Variants in GALNT13 observed in about 807,000 individuals in gnomAD.
The protein encoded by GALNT13 is UDP-GalNAc:polypeptide N-acetylgalactosaminyltransferase 13.
GALNT13 carries 28 observed loss-of-function variants against 64.2 expected under a neutral mutation model. The ratio of observed to expected loss-of-function variants is 0.44; its 90% CI spans 0.32 to 0.60. The LOEUF (loss-of-function observed/expected upper bound fraction) is 0.60. Among genes scored for constraint, GALNT13 ranks in the 20% least tolerant of loss-of-function variants. The pLI is 0.05. For synonymous variants in GALNT13, 214 were observed against 224.6 expected (o/e 0.95, Z 0.42); for missense variants, 577 against 669.8 (o/e 0.86, Z 1.53).
the GALNT13 span, among the ~76,000 whole-genome samples, chr2:153,751,221 AC>A: frequency 6.6e-6 from 1 of 151,876 alleles, no homozygotes; most frequent in African/African-American, 2.4e-5. Flanking sequence ...TTCTTTTGTG[AC>A]CTAACATATG....
chr2:154,052,805 T>C lies in GALNT13; in HGVS notation c.143-87532T>C, dbSNP rs892090853. 5.9e-5 allele frequency among the ~76,000 whole-genome samples: 9 copies of C among 151,572 alleles called. No individual in the cohort carries two copies. In the East Asian group the frequency reaches 1.2e-3, roughly 20 times the overall value. On this transcript the variant is annotated intron_variant, in intron 3 of 12. Transcript: ENST00000392825. ...AGGCTGGAGTGCAGTGGCACGATCT[T>C]GGCTCACTGCAAGCTCCGCCTCCCG...
chr2:153,553,599 G>A, the GALNT13 span, among the ~76,000 whole-genome samples: 1 of 152,152 alleles, frequency 6.6e-6, no homozygotes, highest in Non-Finnish European at 1.5e-5. Flanking sequence ...TGATAAGAAT[G>A]TTTCCAAGAA....
the GALNT13 span, among the ~76,000 whole-genome samples, chr2:153,368,013 T>C: frequency 1.3e-5 from 2 of 152,066 alleles, no homozygotes; most frequent in East Asian, 3.9e-4. Flanking sequence ...AGCGTAAAGA[T>C]TGTCAGAGAG....
the GALNT13 span, among the ~76,000 whole-genome samples, chr2:153,381,158 G>A: frequency 2.0e-5 from 3 of 151,986 alleles, no homozygotes; most frequent in South Asian, 6.2e-4. Context: ...TGTTTCCCAG[G>A]CTGGTGTCAA....
chr2:153,374,468 T>C, the GALNT13 span, among the ~76,000 whole-genome samples: 1 of 152,174 alleles, frequency 6.6e-6, no homozygotes, highest in Admixed American at 6.6e-5. Flanking sequence ...TTATATATTT[T>C]GTATATTGAA....
chr2:153,634,542 CTTTTTTT>C, the GALNT13 span, among the ~76,000 whole-genome samples: 5 of 91,240 alleles, frequency 5.5e-5, no homozygotes, highest in East Asian at 3.4e-4. Flanking sequence ...AGATGGAAAT[CTTTTTTT>C]TTTTTTTTTT....
chr2:153,630,785 ATATATATATATATATATATATATTTT>A, the GALNT13 span, among the ~76,000 whole-genome samples: 3 of 10,418 alleles, frequency 2.9e-4, no homozygotes, highest in African/African-American at 3.1e-4. Context: ...ATATATATAT[ATATATATATATATATATATATATTTT>A]TTTTTTTTTT....
rs952749753 is a variant in GALNT13 at position 154,149,487 on chromosome 2, G to T, written c.311+8982G>T. Among the ~76,000 whole-genome samples the T allele has an allele frequency of 2.0e-4, 30 of 152,144 alleles. No individual in the cohort carries two copies. The East Asian group carries it at 5.0e-3, about 25-fold the overall frequency. On this transcript the variant is annotated intron_variant, in intron 4 of 12. Transcript: ENST00000392825. ...AGAAAGTCATTGGTAGCTTGATGGG[G>T]ATGGCATTGAATCTATAAATTACCT...
At chr2:153,742,762 T>A in the GALNT13 span, among the ~76,000 whole-genome samples, 7 of 152,038 alleles carry the variant, frequency 4.6e-5, no homozygotes, top group Admixed American at 1.3e-4. Context: ...ATTCTCTTTT[T>A]ATGGCTGCAT....
chr2:153,527,181 A>G, the GALNT13 span, among the ~76,000 whole-genome samples: 1 of 152,106 alleles, frequency 6.6e-6, no homozygotes, highest in Non-Finnish European at 1.5e-5. Flanking sequence ...TCATTATCTA[A>G]GTACAAGAAG....
the GALNT13 span, among the ~76,000 whole-genome samples, chr2:153,144,430 A>C: frequency 6.6e-6 from 1 of 151,890 alleles, no homozygotes; most frequent in African/African-American, 2.4e-5. Flanking sequence ...CAACCTTCTT[A>C]AGTCTTCTTG....
the GALNT13 span, among the ~76,000 whole-genome samples, chr2:153,345,647 CTTTCTTT>C: frequency 1.7e-5 from 2 of 118,120 alleles, no homozygotes; most frequent in African/African-American, 6.6e-5. Flanking sequence ...TTCTTTCTTT[CTTTCTTT>C]CTTTCTTTCT....
intron 3 of GALNT13, among the ~76,000 whole-genome samples, chr2:153,969,752 A>C (rs1012642069): frequency 6.6e-5 from 10 of 152,174 alleles, no homozygotes; most frequent in Non-Finnish European, 8.8e-5. Flanking sequence ...TTCCTCATTC[A>C]TAACTATCAT....
chr2:154,314,630 G>C (rs1209443623), intron 9 of GALNT13, among the ~76,000 whole-genome samples: 1 of 152,142 alleles, frequency 6.6e-6, no homozygotes, highest in Non-Finnish European at 1.5e-5. Flanking sequence ...AGCATGTTCA[G>C]AGATCTTGTA....
chr2:153,318,398 G>A, the GALNT13 span, among the ~76,000 whole-genome samples: 9 of 152,292 alleles, frequency 5.9e-5, no homozygotes, highest in South Asian at 1.9e-3. Context: ...AAGCCAATCA[G>A]AGTAGATCTC....
chr2:153,279,335 G>A, the GALNT13 span, among the ~76,000 whole-genome samples: 1 of 151,902 alleles, frequency 6.6e-6, no homozygotes, highest in South Asian at 2.1e-4. Context: ...TTTTCTATTT[G>A]GATTCCTTTT....
downstream of GALNT13, among the ~76,000 whole-genome samples, chr2:154,455,354 A>T (rs1702018249): frequency 6.6e-6 from 1 of 152,202 alleles, no homozygotes; most frequent in South Asian, 2.1e-4. Context: ...TGCATTCTTA[A>T]GTTATAAAGT....
At chr2:153,942,469 C>T (rs1010835129) in intron 2 of GALNT13, among the ~76,000 whole-genome samples, 1 of 152,046 alleles carries the variant, frequency 6.6e-6, no homozygotes, top group African/African-American at 2.4e-5. Context: ...TGAATTGTTT[C>T]ATATCTCAAA....
intron 9 of GALNT13, among the ~76,000 whole-genome samples, chr2:154,326,124 C>G (rs139793867): frequency 9.7e-4 from 148 of 152,234 alleles, no homozygotes; most frequent in African/African-American, 3.5e-3. Context: ...AACAAGATCT[C>G]TGGTGATTCT....
Sources: allele counts gnomAD v4.1 joint callset (sites outside exome capture counted in the v4.1 genomes callset), GRCh38; gene constraint gnomAD v4.1.1; transcripts MANE v1.5; gene names NCBI Gene and HGNC (gene_info 2026-07-23, HGNC 2026-07-21).